Variants in OR4K2 observed in about 807,000 individuals in gnomAD.
OR4K2 encodes the protein olfactory receptor family 4 subfamily K member 2.
Under a neutral mutation model 10.5 loss-of-function variants are expected in OR4K2, and 8 were observed. The observed-to-expected ratio is 0.76, with a 90% CI of 0.45 to 1.37. The LOEUF (loss-of-function observed/expected upper bound fraction) is 1.37. Ranked by LOEUF, OR4K2 falls within the 40% of genes most tolerant of loss-of-function variation. The probability of loss-of-function intolerance (pLI) is 0.00; values close to 1 mark genes in which losing one functional copy is unlikely to be tolerated. For synonymous variants in OR4K2, 178 were observed against 133.6 expected (o/e 1.33, Z -2.29); for missense variants, 547 against 379.5 (o/e 1.44, Z -3.67).
chr14:19,879,288 CTTAG>C lies in OR4K2; in HGVS notation c.*2081_*2084del, dbSNP rs1257765800. On this transcript the variant is annotated 3_prime_UTR_variant, in exon 2 of 2. Coordinates refer to ENST00000641885, the MANE Select transcript of OR4K2 (RefSeq NM_001005501.2). ...GCATGTTATATAAACACTTAAAAATCTTAGTTAGGACTTTAGGACTCATGGTGGT... is the reference window on the plus strand; with the variant it reads ...GCATGTTATATAAACACTTAAAAATCTTAGGACTTTAGGACTCATGGTGGT... 2.6e-5 allele frequency: 4 copies of C among 152,134 alleles called. No homozygotes were observed. Among genetic ancestry groups the C allele is most frequent in the African/African-American group, 7.2e-5 (3 of 41,420 alleles). The allele number at this position is 152,134 out of a possible 1,614,324, so 9.4% of individuals were successfully genotyped here.
rs1028397824 is a variant in OR4K2 at position 19,882,066 on chromosome 14, G to A, written c.*4854G>A. The A allele has an allele frequency of 6.6e-6, 1 of 152,220 alleles. No individual in the cohort carries two copies. Among genetic ancestry groups the A allele is most frequent in the African/African-American group, 2.4e-5 (1 of 41,418 alleles). The allele number at this position is 152,220 out of a possible 1,614,324, so 9.4% of individuals were successfully genotyped here. A position where few individuals can be genotyped will look rare whatever the true frequency, so the allele number is the denominator to read the frequency against. On this transcript the variant is annotated 3_prime_UTR_variant, in exon 2 of 2. Coordinates refer to ENST00000641885, the MANE Select transcript of OR4K2 (RefSeq NM_001005501.2). Reference sequence around the variant, plus strand: ...GCAACTGGAGCTATTGTGTTCCAGAGCACATTACCCCAGTAATGTGATGTA... The same window carrying A: ...GCAACTGGAGCTATTGTGTTCCAGAACACATTACCCCAGTAATGTGATGTA...
In OR4K2 at chr14:19,876,570, A is replaced by G. The variant is rs1039379004; in HGVS notation, c.303A>G (p.Ile101Met). Residue 101 changes from isoleucine to methionine, a missense_variant, in exon 2 of 2, where the codon ATA becomes ATG. Ile to Met is a conservative substitution (Grantham distance 10, BLOSUM62 1). Transcript: ENST00000641885. ...CTTTTGATGGCTGCCTTACCCAGAT[A>G]TTCTTTCTCCACCTTTTCACTGGAA... ...TISFDGCLTQ[I>M]FFLHLFTGTE... The G allele has an allele frequency of 6.2e-6, 10 of 1,614,058 alleles. No individual in the cohort carries two copies. The highest frequency in any genetic ancestry group is 4.0e-5 in the African/African-American group (3 of 74,930).
At position 19,877,152 on chromosome 14, in the gene OR4K2, G is replaced by T. The variant is rs750303655; in HGVS notation, c.885G>T (p.Lys295Asn). 2 of 1,602,556 alleles carry T rather than the reference G, an allele frequency of 1.2e-6. No individual in the cohort carries two copies. The highest frequency in any genetic ancestry group is 8.5e-7 in the Non-Finnish European group (1 of 1,179,464). Residue 295 changes from lysine to asparagine, a missense_variant, in exon 2 of 2, where the codon AAG (lysine) becomes AAT (asparagine). Lys to Asn is a moderately conservative substitution (Grantham distance 94, BLOSUM62 0). Coordinates refer to ENST00000641885, the MANE Select transcript of OR4K2 (RefSeq NM_001005501.2). ...ATACTTTGAGGAATCAAGAAGTAAA[G>T]ATAGCCATGAGGAAACTGAAAAATA... ...IIYTLRNQEV[K>N]IAMRKLKNRF... is the part of the protein sequence containing the mutation.
Position 19,881,732 on chromosome 14 carries a change from G to A in OR4K2, c.*4520G>A, listed in dbSNP as rs1429059219. 1.2e-4 allele frequency: 18 copies of A among 151,640 alleles called. No individual in the cohort carries two copies. The highest frequency in any genetic ancestry group is 1.1e-3 in the Admixed American group (17 of 15,238). 9.4% of individuals were successfully genotyped at this position (151,640 alleles called of 1,614,324 possible). ...CGCCTTTTTTCTTTGTGTTTTAACT[G>A]TACTAGGAATCTGAAGCCATCAACA... On this transcript the variant is annotated 3_prime_UTR_variant, in exon 2 of 2. Transcript: ENST00000641885.
Position 19,877,178 on chromosome 14 carries a change from G to T in OR4K2, c.911G>T (p.Arg304Met). The change falls in exon 2 of 2, where the codon AGG (arginine) becomes ATG (methionine). Residue 304 changes from arginine to methionine, a missense_variant. Transcript: ENST00000641885. ...VKIAMRKLKN[R>M]FLNFNKAMPS ...ATAGCCATGAGGAAACTGAAAAATA[G>T]GTTTCTAAATTTTAATAAGGCAATG... The T allele has an allele frequency of 1.3e-6, 2 of 1,597,118 alleles. No individual in the cohort carries two copies. The highest frequency in any genetic ancestry group is 1.7e-6 in the Non-Finnish European group (2 of 1,178,092).
In OR4K2 at chr14:19,882,902, A is replaced by C. The variant is rs548089372; in HGVS notation, c.*5690A>C. The C allele has an allele frequency of 7.2e-6, 1 of 139,392 alleles. No homozygotes were observed. The highest frequency in any genetic ancestry group is 2.1e-4 in the East Asian group (1 of 4,776). 8.6% of individuals were successfully genotyped at this position (139,392 alleles called of 1,614,324 possible). ...GAGTGCAGTAGCGTGATCTCCGCTC[A>C]TTGCAAACTCTGCCTTCCGGATTCA... On this transcript the variant is annotated 3_prime_UTR_variant, in exon 2 of 2. Coordinates refer to ENST00000641885, the MANE Select transcript of OR4K2 (RefSeq NM_001005501.2).
At position 19,876,698 on chromosome 14, in the gene OR4K2, T is replaced by C. The variant is rs1218850688; in HGVS notation, c.431T>C (p.Leu144Pro). Residue 144 changes from leucine to proline, a missense_variant, in exon 2 of 2, where the codon CTC becomes CCC. By Grantham distance (98) the Leu-to-Pro change is moderately conservative (BLOSUM62 -3). Coordinates refer to ENST00000641885, the MANE Select transcript of OR4K2 (RefSeq NM_001005501.2). The stretch of plus-strand genomic sequence containing the variant: ...ATTAGTCCCCAGGTGTGTGTTGCTC[T>C]CGTGGTGGCTTCCTGGATTATGGGA... ...SVISPQVCVA[L>P]VVASWIMGVM... 6.2e-7 allele frequency: 1 copy of C among 1,614,084 alleles called. No individual in the cohort carries two copies. The highest frequency in any genetic ancestry group is 1.7e-5 in the Admixed American group (1 of 60,004).
Position 19,879,126 on chromosome 14 carries a change from T to C in OR4K2, c.*1914T>C, listed in dbSNP as rs1880979265. 1 of 152,082 alleles carries C rather than the reference T, an allele frequency of 6.6e-6. No homozygotes were observed. Among genetic ancestry groups the C allele is most frequent in the Admixed American group, 6.6e-5 (1 of 15,240 alleles). 9.4% of individuals were successfully genotyped at this position (152,082 alleles called of 1,614,324 possible). On this transcript the variant is annotated 3_prime_UTR_variant, in exon 2 of 2. Coordinates refer to ENST00000641885, the MANE Select transcript of OR4K2 (RefSeq NM_001005501.2). ...AAGGCAAGTCAATAATGAGATTAAG[T>C]AGTTGGATTGATAGTAAAATTCTGT...
Position 19,877,300 on chromosome 14 carries a change from G to T in OR4K2, c.*88G>T. 1 of 915,880 alleles carries T rather than the reference G, an allele frequency of 1.1e-6. No individual in the cohort carries two copies. 56.7% of individuals were successfully genotyped at this position (915,880 alleles called of 1,614,324 possible). On this transcript the variant is annotated 3_prime_UTR_variant, in exon 2 of 2. Transcript: ENST00000641885. ...ACCAAATTGTAATTGCCAAGAATTT[G>T]TGAGGGCTCAAGTTCAGTGCATTTT...
At position 19,883,216 on chromosome 14, in the gene OR4K2, A is replaced by G. The variant is rs1453521955; in HGVS notation, c.*6004A>G. 1 of 152,160 alleles carries G rather than the reference A, an allele frequency of 6.6e-6. No homozygotes were observed. The highest frequency in any genetic ancestry group is 1.5e-5 in the Non-Finnish European group (1 of 68,038). The allele number at this position is 152,160 out of a possible 1,614,324, so 9.4% of individuals were successfully genotyped here. A position where few individuals can be genotyped will look rare whatever the true frequency, so the allele number is the denominator to read the frequency against. On this transcript the variant is annotated 3_prime_UTR_variant, in exon 2 of 2. Coordinates refer to ENST00000641885, the MANE Select transcript of OR4K2 (RefSeq NM_001005501.2). The stretch of plus-strand genomic sequence containing the variant: ...CAAGACAAATGACAGATGATGTTAT[A>G]TTTTTTCATCCAAAAGATCTTGATG...
chr14:19,881,855 A>G lies in OR4K2; in HGVS notation c.*4643A>G, dbSNP rs1359269350. ...AGTTTGAGACTAGAAATAGCAATTT[A>G]ATTAGTAATTTGTTTTTATATAATA... On this transcript the variant is annotated 3_prime_UTR_variant, in exon 2 of 2. Transcript: ENST00000641885. 1 of 151,852 alleles carries G rather than the reference A, an allele frequency of 6.6e-6. No individual in the cohort carries two copies. The highest frequency in any genetic ancestry group is 1.5e-5 in the Non-Finnish European group (1 of 67,986). 9.4% of individuals were successfully genotyped at this position (151,852 alleles called of 1,614,324 possible).
In OR4K2 at chr14:19,875,920, T is replaced by C. The variant is rs1880882237; in HGVS notation, c.-238T>C. 4.1e-6 allele frequency: 1 copy of C among 243,004 alleles called. No homozygotes were observed. Among genetic ancestry groups the C allele is most frequent in the Non-Finnish European group, 7.9e-6 (1 of 125,932 alleles). The allele number at this position is 243,004 out of a possible 1,614,324, so 15.1% of individuals were successfully genotyped here. A position where few individuals can be genotyped will look rare whatever the true frequency, so the allele number is the denominator to read the frequency against. On this transcript the variant is annotated 5_prime_UTR_variant, in exon 1 of 2. Transcript: ENST00000641885. ...GTCAGCATAAAGTAAGTTCTTACTG[T>C]TATCGTTAGACTTACACAGATGAAT...
chr14:19,876,625 T>C lies in OR4K2; in HGVS notation c.358T>C (p.Phe120Leu). The change falls in exon 2 of 2, where the codon TTT (phenylalanine) becomes CTT (leucine). Residue 120 changes from phenylalanine to leucine, a missense_variant. By Grantham distance (22) the Phe-to-Leu change is conservative. Coordinates refer to ENST00000641885, the MANE Select transcript of OR4K2 (RefSeq NM_001005501.2). ...TEIILLMAMS[F>L]DRYIAICKPL... The stretch of plus-strand genomic sequence containing the variant: ...GATCATCTTACTCATGGCCATGTCC[T>C]TTGATAGGTATATTGCAATATGCAA... 1 of 1,614,216 alleles carries C rather than the reference T, an allele frequency of 6.2e-7. No homozygotes were observed. Among genetic ancestry groups the C allele is most frequent in the Non-Finnish European group, 8.5e-7 (1 of 1,180,008 alleles).
rs1434455079 is a variant in OR4K2 at position 19,881,634 on chromosome 14, CG to C, written c.*4425del. On this transcript the variant is annotated 3_prime_UTR_variant, in exon 2 of 2. Transcript: ENST00000641885. ...TATTTTTTAAATTAAAAAATGTTCT[CG>C]GGCTGGAGGCTCCAGGTTTTTTTCC... 3 of 151,860 alleles carry C rather than the reference CG, an allele frequency of 2.0e-5. No individual in the cohort carries two copies. Among genetic ancestry groups the C allele is most frequent in the African/African-American group, 7.3e-5 (3 of 41,322 alleles). 9.4% of individuals were successfully genotyped at this position (151,860 alleles called of 1,614,324 possible).
rs559945348 is a variant in OR4K2 at position 19,878,078 on chromosome 14, A to G, written c.*866A>G. On this transcript the variant is annotated 3_prime_UTR_variant, in exon 2 of 2. Transcript: ENST00000641885. The stretch of plus-strand genomic sequence containing the variant: ...CCATTTTGGTTATTTTTTTCTTGAA[A>G]TATTTGGATGTAAAAATAATGAATC... 1.1e-4 allele frequency: 17 copies of G among 152,338 alleles called. No individual in the cohort carries two copies. In the East Asian group the frequency reaches 3.3e-3, roughly 29 times the overall value. 9.4% of individuals were successfully genotyped at this position (152,338 alleles called of 1,614,324 possible).
Position 19,876,855 on chromosome 14 carries a change from C to A in OR4K2, c.588C>A (p.Gly196=). The A allele has an allele frequency of 3.1e-6, 5 of 1,614,138 alleles. No individual in the cohort carries two copies. Among genetic ancestry groups the A allele is most frequent in the Non-Finnish European group, 3.4e-6 (4 of 1,179,976 alleles). Residue 196 remains glycine, a synonymous_variant, in exon 2 of 2, where the codon GGC becomes GGA. Coordinates refer to ENST00000641885, the MANE Select transcript of OR4K2 (RefSeq NM_001005501.2). ...QLACVDTYVL[G]LFMISTSGII... ...CTTGTGTGGATACTTATGTTCTGGGCCTCTTTATGATCTCAACAAGTGGCA... is the reference window on the plus strand; with the variant it reads ...CTTGTGTGGATACTTATGTTCTGGGACTCTTTATGATCTCAACAAGTGGCA...
rs2138531041 is a variant in OR4K2 at position 19,877,410 on chromosome 14, A to T, written c.*198A>T. 2.0e-6 allele frequency: 1 copy of T among 493,742 alleles called. No homozygotes were observed. Among genetic ancestry groups the T allele is most frequent in the East Asian group, 3.4e-5 (1 of 29,062 alleles). The allele number at this position is 493,742 out of a possible 1,614,324, so 30.6% of individuals were successfully genotyped here. On this transcript the variant is annotated 3_prime_UTR_variant, in exon 2 of 2. Transcript: ENST00000641885. ...GTTAAAAGAAATAAAGACTATAAAAATGTCAGGAGTGACAGTTCCAGTTAG... is the reference window on the plus strand; with the variant it reads ...GTTAAAAGAAATAAAGACTATAAAATTGTCAGGAGTGACAGTTCCAGTTAG...
At position 19,877,221 on chromosome 14, in the gene OR4K2, A is replaced by G. The variant is rs769813034; in HGVS notation, c.*9A>G. 13 of 1,522,660 alleles carry G rather than the reference A, an allele frequency of 8.5e-6. No homozygotes were observed. In the African/African-American group the frequency reaches 9.6e-5, roughly 11 times the overall value. 94.3% of individuals were successfully genotyped at this position (1,522,660 alleles called of 1,614,324 possible). A position where few individuals can be genotyped will look rare whatever the true frequency, so the allele number is the denominator to read the frequency against. On this transcript the variant is annotated 3_prime_UTR_variant, in exon 2 of 2. Coordinates refer to ENST00000641885, the MANE Select transcript of OR4K2 (RefSeq NM_001005501.2). ...AGGCAATGCCTTCATAGTTTTTGTG[A>G]CACAGAACATTAGACACAATGCTGT...
Position 19,883,083 on chromosome 14 carries a change from A to T in OR4K2, c.*5871A>T, listed in dbSNP as rs888238059. 2.0e-5 allele frequency: 3 copies of T among 152,430 alleles called. No homozygotes were observed. The highest frequency in any genetic ancestry group is 1.3e-4 in the Admixed American group (2 of 15,308). 9.4% of individuals were successfully genotyped at this position (152,430 alleles called of 1,614,324 possible). ...CATCTAGGGTCTCCCAGAGTCTGAA[A>T]TATGCTGATTGCATGCTCATGGTAC... On this transcript the variant is annotated 3_prime_UTR_variant, in exon 2 of 2. Coordinates refer to ENST00000641885, the MANE Select transcript of OR4K2 (RefSeq NM_001005501.2).
Sources: gnomAD v4.1 joint callset for allele counts on GRCh38, gnomAD v4.1.1 for gene constraint, MANE v1.5 for transcripts, NCBI Gene and HGNC (gene_info 2026-07-23, HGNC 2026-07-21) for gene names.